The following TPRG1 variants were observed in gnomAD, a reference collection of about 807,000 sequenced individuals.
TPRG1 encodes the protein tumor protein p63-regulated gene 1 protein.
A neutral mutation model predicts 29.3 loss-of-function variants in TPRG1; 29 were observed. The observed-to-expected ratio is 0.99, with a 90% CI of 0.74 to 1.35. The LOEUF (loss-of-function observed/expected upper bound fraction) is 1.35, where lower values mean the gene tolerates loss of function less well. Among genes scored for constraint, TPRG1 ranks in the 40% most tolerant of loss-of-function variants. The probability of loss-of-function intolerance (pLI) is 0.00; values close to 1 mark genes in which losing one functional copy is unlikely to be tolerated. For missense variants in TPRG1, 327 were observed against 335.0 expected, an observed-to-expected ratio of 0.98 and a Z score of 0.19; for synonymous variants, 130 against 116.8, an observed-to-expected ratio of 1.11 and a Z score of -0.73.
chr3:189,066,228 C>T (rs973848531), intron 4 of TPRG1, among the ~76,000 whole-genome samples: 5 of 152,076 alleles, frequency 3.3e-5, no homozygotes, highest in Non-Finnish European at 7.4e-5. Context: ...TTGCTGAATT[C>T]TACCAAATAT....
intron 1 of TPRG1, among the ~76,000 whole-genome samples, chr3:189,190,670 T>C (rs1731556263): frequency 6.6e-6 from 1 of 152,204 alleles, no homozygotes; most frequent in African/African-American, 2.4e-5. Context: ...ACAACTTTTT[T>C]CATTTAATCT....
chr3:189,224,667 G>C (rs1737444198), intron 3 of TPRG1, among the ~76,000 whole-genome samples: 1 of 151,838 alleles, frequency 6.6e-6, no homozygotes. Flanking sequence ...AATTCTGAAT[G>C]GTAGCCTAAG....
At chr3:189,224,265 G>A (rs987403529) in intron 3 of TPRG1, among the ~76,000 whole-genome samples, 5 of 152,174 alleles carry the variant, frequency 3.3e-5, no homozygotes, top group Non-Finnish European at 7.4e-5. Context: ...GGTGGATCAC[G>A]AGGTCAAGAG....
intron 4 of TPRG1, among the ~76,000 whole-genome samples, chr3:189,089,723 T>C (rs1301585318): frequency 3.3e-5 from 5 of 152,164 alleles, no homozygotes; most frequent in Admixed American, 3.3e-4. Context: ...ACTAACCCAT[T>C]AACCTATTAT....
chr3:189,115,403 G>A (rs1721049108), intron 1 of TPRG1, among the ~76,000 whole-genome samples: 1 of 152,192 alleles, frequency 6.6e-6, no homozygotes, highest in Non-Finnish European at 1.5e-5. Flanking sequence ...TAGGGCAATA[G>A]CTATAGGCTT....
chr3:189,001,294 T>A (rs1488682821), intron 2 of TPRG1, among the ~76,000 whole-genome samples: 4 of 152,150 alleles, frequency 2.6e-5, no homozygotes, highest in African/African-American at 9.7e-5. Flanking sequence ...AACCTTTTTG[T>A]CTTGAAGAAA....
chr3:189,170,164 C>G (rs933551802), upstream of TPRG1, among the ~76,000 whole-genome samples: 1 of 152,188 alleles, frequency 6.6e-6, no homozygotes, highest in African/African-American at 2.4e-5. Context: ...TTTGTGCCCC[C>G]ACCCTGAGCT....
intron 3 of TPRG1, among the ~76,000 whole-genome samples, chr3:189,226,383 G>A (rs764853934): frequency 8.5e-5 from 13 of 152,056 alleles, no homozygotes; most frequent in Non-Finnish European, 1.6e-4. Flanking sequence ...ATAGAAAAAT[G>A]TCCAAACACT....
intron 3 of TPRG1, among the ~76,000 whole-genome samples, chr3:189,146,267 G>A (rs1725249877): frequency 6.6e-6 from 1 of 152,122 alleles, no homozygotes; most frequent in South Asian, 2.1e-4. Flanking sequence ...GTTAAATGCT[G>A]GTGGCCAAAG....
chr3:189,258,076 A>G (rs1034713970), intron 4 of TPRG1, among the ~76,000 whole-genome samples: 2 of 152,128 alleles, frequency 1.3e-5, no homozygotes, highest in African/African-American at 2.4e-5. Context: ...GGAGGAGAAG[A>G]GGCATTCTGG....
At chr3:189,046,829 C>T (rs1456091240) in intron 4 of TPRG1, among the ~76,000 whole-genome samples, 2 of 152,104 alleles carry the variant, frequency 1.3e-5, no homozygotes, top group East Asian at 3.9e-4. Flanking sequence ...CTAGTCAGTT[C>T]TTTTAACTGT....
intron 4 of TPRG1, among the ~76,000 whole-genome samples, chr3:189,245,114 G>A (rs1416429076): frequency 6.6e-6 from 1 of 152,114 alleles, no homozygotes; most frequent in Non-Finnish European, 1.5e-5. Flanking sequence ...TAGAGATGGA[G>A]TTTCTCCATG....
chr3:189,314,310 C>T (rs1723148408), intron 5 of TPRG1, among the ~76,000 whole-genome samples: 1 of 152,146 alleles, frequency 6.6e-6, no homozygotes, highest in Admixed American at 6.6e-5. Context: ...TTTGAGATTA[C>T]ACAACATTGG....
chr3:189,159,875 G>A (rs1203189177), intron 5 of TPRG1, among the ~76,000 whole-genome samples: 1 of 118,658 alleles, frequency 8.4e-6, no homozygotes, highest in East Asian at 2.6e-4. Flanking sequence ...TGTGGTGGTG[G>A]GGGTAGGGGT....
At chr3:189,036,947 CAT>C (rs1287242816) in intron 4 of TPRG1, among the ~76,000 whole-genome samples, 5 of 149,844 alleles carry the variant, frequency 3.3e-5, no homozygotes, top group African/African-American at 1.2e-4. Flanking sequence ...GATAAACTGA[CAT>C]AGTTATCAAA....
intron 1 of TPRG1, among the ~76,000 whole-genome samples, chr3:189,194,604 G>A (rs1360773018): frequency 6.6e-6 from 1 of 152,178 alleles, no homozygotes; most frequent in African/African-American, 2.4e-5. Context: ...CCCATGGGTG[G>A]GAGCTCAGAG....
intron 1 of TPRG1, among the ~76,000 whole-genome samples, chr3:188,998,678 G>A (rs904928487): frequency 6.6e-6 from 1 of 152,214 alleles, no homozygotes; most frequent in Non-Finnish European, 1.5e-5. Flanking sequence ...GCAGCAACAT[G>A]GATGGAACTG....
chr3:189,226,460 A>C (rs753137621), intron 3 of TPRG1, among the ~76,000 whole-genome samples: 6 of 152,096 alleles, frequency 3.9e-5, no homozygotes, highest in Admixed American at 1.3e-4. Flanking sequence ...AATAAAAATT[A>C]CATTAAACTG....
chr3:189,149,971 G>A (rs139346311), intron 4 of TPRG1, among the ~76,000 whole-genome samples: 64 of 152,260 alleles, frequency 4.2e-4, no homozygotes, highest in Non-Finnish European at 8.4e-4. Context: ...GCTTTACTTA[G>A]GTTAATTGTT....
Sources: gnomAD v4.1 joint callset for allele counts (sites outside exome capture counted in the v4.1 genomes callset) on GRCh38, gnomAD v4.1.1 for gene constraint, MANE v1.5 for transcripts, NCBI Gene and HGNC (gene_info 2026-07-23, HGNC 2026-07-21) for gene names.